Variants in SLC36A2 observed in about 807,000 individuals in gnomAD.
The protein encoded by SLC36A2 is proton-coupled amino acid transporter 2.
Under a neutral mutation model 42.7 loss-of-function variants are expected in SLC36A2, and 39 were observed. The observed-to-expected ratio is 0.91, with a 90% CI of 0.71 to 1.19. SLC36A2 has a LOEUF of 1.19. Ranked by LOEUF, SLC36A2 falls within the 50% of genes most tolerant of loss-of-function variation. SLC36A2 has a pLI of 0.00. For missense variants in SLC36A2, 590 were observed against 613.7 expected (o/e 0.96, Z 0.41); for synonymous variants, 237 against 240.8 (o/e 0.98, Z 0.15).
chr5:151,318,022 A>G (rs879081810), intron 9 of SLC36A2, among the ~76,000 whole-genome samples: 1 of 152,198 alleles, frequency 6.6e-6, no homozygotes, highest in Admixed American at 6.5e-5. Flanking sequence ...AATTTGTTAA[A>G]CAGTTAGTAA....
intron 2 of SLC36A2, 57 bp downstream of exon 2, chr5:151,344,120 C>T (rs1756425991): frequency 1.3e-6 from 2 of 1,526,272 alleles, no homozygotes; most frequent in Non-Finnish European, 9.0e-7. Context: ...AGAGCCTCTC[C>T]TCTTACTTCC....
In SLC36A2 at chr5:151,316,701, T is replaced by C. The variant is rs1755500420; in HGVS notation, c.*116A>G. ...GTTGTGGTGAGCTGAGATCGCATCA[T>C]TGTACTCCAGTCTGGGCAACAAGAC... On this transcript the variant is annotated 3_prime_UTR_variant, in exon 10 of 10. Transcript: ENST00000335244. 7.7e-7 allele frequency: 1 copy of C among 1,293,472 alleles called. No homozygotes were observed. The highest frequency in any genetic ancestry group is 2.4e-5 in the Admixed American group (1 of 42,186). 80.1% of individuals were successfully genotyped at this position (1,293,472 alleles called of 1,614,324 possible).
intron 7 of SLC36A2, chr5:151,332,320 T>G (rs1756021865): frequency 1.2e-5 from 5 of 424,068 alleles, no homozygotes; most frequent in South Asian, 8.6e-5. Context: ...ACAAACAGCC[T>G]AATTAAAAAT....
intron 8 of SLC36A2, 46 bp from the exon 9 acceptor site, chr5:151,322,261 G>C: frequency 6.2e-7 from 1 of 1,605,490 alleles, no homozygotes; most frequent in Non-Finnish European, 8.5e-7. Flanking sequence ...ACTGTGTTCT[G>C]ACACTGGCCT....
intron 7 of SLC36A2, among the ~76,000 whole-genome samples, chr5:151,327,440 T>C (rs188208923): frequency 9.8e-5 from 15 of 152,346 alleles, no homozygotes; most frequent in African/African-American, 2.9e-4. Context: ...ACTGTTGAAT[T>C]CTTTTCTGTC....
intron 7 of SLC36A2, among the ~76,000 whole-genome samples, chr5:151,328,116 A>G (rs1375996690): frequency 6.6e-6 from 1 of 152,214 alleles, no homozygotes; most frequent in Non-Finnish European, 1.5e-5. Context: ...TCTGCCTCCA[A>G]AGTTACCTGC....
intron 4 of SLC36A2, among the ~76,000 whole-genome samples, chr5:151,342,327 C>T (rs1202492252): frequency 1.3e-5 from 2 of 152,224 alleles, no homozygotes; most frequent in Admixed American, 1.3e-4. Context: ...TCTCTTCCTT[C>T]CAGCCCCACC....
At chr5:151,325,039 C>T (rs1396622589) in intron 8 of SLC36A2, 2 of 542,678 alleles carry the variant, frequency 3.7e-6, no homozygotes, top group Non-Finnish European at 6.7e-6. Context: ...TCACTTGTGT[C>T]CTCTCTTCTT....
intron 9 of SLC36A2, among the ~76,000 whole-genome samples, chr5:151,321,542 A>G (rs1755689835): frequency 6.6e-6 from 1 of 152,086 alleles, no homozygotes; most frequent in South Asian, 2.1e-4. Flanking sequence ...ACACCAACAA[A>G]TCTGTCTAAT....
intron 9 of SLC36A2, among the ~76,000 whole-genome samples, chr5:151,317,933 C>A (rs1755551289): frequency 6.6e-6 from 1 of 151,986 alleles, no homozygotes; most frequent in Non-Finnish European, 1.5e-5. Flanking sequence ...CCAAAGATAC[C>A]CCCTTAATAA....
At position 151,339,123 on chromosome 5, in the gene SLC36A2, A is replaced by G. The variant is rs1561660158; in HGVS notation, c.462T>C (p.Leu154=). ...HWGRHIVSFF[L]IITQLGFCCV... is the part of the protein sequence containing the mutation. ...AGCAGAAGCCAAGTTGGGTGATAAT[A>G]AGGAAGAAGCTCACGATATGCCTAG... Residue 154 remains leucine, a synonymous_variant, in exon 5 of 10, where the codon CTT becomes CTC. Coordinates refer to ENST00000335244, the MANE Select transcript of SLC36A2 (RefSeq NM_181776.3). 1.2e-6 allele frequency: 2 copies of G among 1,609,162 alleles called. No homozygotes were observed. Among genetic ancestry groups the G allele is most frequent in the Non-Finnish European group, 1.7e-6 (2 of 1,176,636 alleles).
In SLC36A2 at chr5:151,317,104, A is replaced by G. The variant is rs1328384211; in HGVS notation, c.1181-16T>C. On this transcript the variant is annotated splice_polypyrimidine_tract_variant and intron_variant, in intron 9 of 9. Coordinates refer to ENST00000335244, the MANE Select transcript of SLC36A2 (RefSeq NM_181776.3). ...GCCAGGAGGCCTGCAGGGAGAGGAT[A>G]GTGGAGAGATGGAGCATTCCAGGCT... is the stretch of plus-strand genomic sequence containing the variant. The G allele has an allele frequency of 1.2e-6, 2 of 1,613,304 alleles. No homozygotes were observed. Among genetic ancestry groups the G allele is most frequent in the Admixed American group, 3.3e-5 (2 of 59,832 alleles).
intron 8 of SLC36A2, among the ~76,000 whole-genome samples, chr5:151,323,250 G>GATAA (rs1411763773): frequency 4.2e-5 from 5 of 120,390 alleles, no homozygotes; most frequent in Admixed American, 2.7e-4. Context: ...TAAATAGATA[G>GATAA]ATAGATAAAT....
chr5:151,339,020 G>C, intron 5 of SLC36A2, 40 bp downstream of exon 5: 1 of 1,439,556 alleles, frequency 6.9e-7, no homozygotes, highest in Non-Finnish European at 9.8e-7. Context: ...GCGTGTCCTT[G>C]TCCATCTTTT....
At chr5:151,323,895 T>A (rs1208264503) in intron 8 of SLC36A2, among the ~76,000 whole-genome samples, 1 of 152,204 alleles carries the variant, frequency 6.6e-6, no homozygotes, top group Non-Finnish European at 1.5e-5. Flanking sequence ...ATTATCATGT[T>A]GGGAAAGGAG....
intron 4 of SLC36A2, among the ~76,000 whole-genome samples, chr5:151,341,836 C>G (rs1756354724): frequency 6.6e-6 from 1 of 152,138 alleles, no homozygotes; most frequent in Admixed American, 6.5e-5. Context: ...CTCAGGCACC[C>G]CAAACTCAAC....
chr5:151,335,299 G>A (rs1159743422), intron 6 of SLC36A2, 30 bp downstream of exon 6: 4 of 1,537,528 alleles, frequency 2.6e-6, no homozygotes. Flanking sequence ...CCTGCCCAGT[G>A]GAGTGGGCAG....
At chr5:151,340,077 AAAAG>A (rs1299329647) in intron 4 of SLC36A2, among the ~76,000 whole-genome samples, 1 of 151,652 alleles carries the variant, frequency 6.6e-6, no homozygotes, top group Non-Finnish European at 1.5e-5. Flanking sequence ...AAAAAGAAGA[AAAAG>A]GAGGAGAGGA....
chr5:151,335,472 A>G lies in SLC36A2; in HGVS notation c.601T>C (p.Ser201Pro). 1.2e-6 allele frequency: 2 copies of G among 1,614,106 alleles called. No homozygotes were observed. Among genetic ancestry groups the G allele is most frequent in the Middle Eastern group, 3.3e-4 (2 of 6,062 alleles). The change falls in exon 6 of 10, where the codon TCG becomes CCG. Residue 201 changes from serine to proline, a missense_variant. By Grantham distance (74) the Ser-to-Pro change is moderately conservative. Transcript: ENST00000335244. ...AGGAAGGAGAGCATGTAGAGTCGCG[A>G]GTCCATGGTGGGGGTCAGAATCACC... is the stretch of plus-strand genomic sequence containing the variant. ...ETVILTPTMD[S>P]RLYMLSFLPF... is the part of the protein sequence containing the mutation.
Sources: allele counts gnomAD v4.1 joint callset (sites outside exome capture counted in the v4.1 genomes callset), GRCh38; gene constraint gnomAD v4.1.1; transcripts MANE v1.5; gene names NCBI Gene and HGNC (gene_info 2026-07-23, HGNC 2026-07-21).